The following ZBTB20 variants were observed in gnomAD, a reference collection of about 807,000 sequenced individuals.
ZBTB20 encodes the protein zinc finger and BTB domain-containing protein 20.
Under a neutral mutation model 56.9 loss-of-function variants are expected in ZBTB20, and 9 were observed. That is an observed-to-expected ratio of 0.16 (90% CI 0.10 to 0.28). ZBTB20 has a LOEUF of 0.28. ZBTB20 is among the 10% of genes least tolerant of loss of function. The pLI is 1.00. For synonymous variants in ZBTB20, 417 were observed against 420.7 expected (o/e 0.99, Z 0.11); for missense variants, 655 against 1,003.0 (o/e 0.65, Z 4.69).
intron 5 of ZBTB20, among the ~76,000 whole-genome samples, chr3:114,727,028 A>G (rs2065357963): frequency 6.6e-6 from 1 of 151,940 alleles, no homozygotes; most frequent in Admixed American, 6.6e-5. Context: ...ATATAATGGA[A>G]TAGCCCTCTT....
intron 5 of ZBTB20, among the ~76,000 whole-genome samples, chr3:114,764,075 T>C (rs2108710463): frequency 6.6e-6 from 1 of 152,248 alleles, no homozygotes; most frequent in Non-Finnish European, 1.5e-5. Context: ...TCAGAAAAAG[T>C]GATTTTTAGC....
chr3:115,117,954 G>A (rs553613130), intron 1 of ZBTB20, among the ~76,000 whole-genome samples: 46 of 152,158 alleles, frequency 3.0e-4, no homozygotes, highest in African/African-American at 1.1e-3. Context: ...GAAAGAACGT[G>A]GCTTTTAAAG....
intron 7 of ZBTB20, among the ~76,000 whole-genome samples, chr3:114,465,004 A>G (rs374995020): frequency 1.1e-4 from 17 of 151,388 alleles, no homozygotes; most frequent in East Asian, 7.7e-4. Flanking sequence ...CAACCCCCAC[A>G]CACTCCCTTC....
At chr3:114,748,283 T>TTTCC (rs1256479465) in intron 5 of ZBTB20, among the ~76,000 whole-genome samples, 20 of 55,100 alleles carry the variant, frequency 3.6e-4, no homozygotes, top group Non-Finnish European at 7.2e-4. Context: ...TTGTAGCTTC[T>TTTCC]TTCTTTCTTT....
intron 5 of ZBTB20, among the ~76,000 whole-genome samples, chr3:114,715,471 AAG>A (rs2064407178): frequency 6.6e-6 from 1 of 152,210 alleles, no homozygotes; most frequent in African/African-American, 2.4e-5. Context: ...TCTTGCAGCA[AAG>A]AGAGTGTGGG....
chr3:114,915,405 G>C (rs1380410247), intron 3 of ZBTB20, among the ~76,000 whole-genome samples: 1 of 151,784 alleles, frequency 6.6e-6, no homozygotes, highest in Non-Finnish European at 1.5e-5. Context: ...AATTTCTGTA[G>C]TATCAATTGT....
chr3:114,598,887 T>G (rs2056539460), intron 6 of ZBTB20, among the ~76,000 whole-genome samples: 1 of 152,068 alleles, frequency 6.6e-6, no homozygotes, highest in Non-Finnish European at 1.5e-5. Flanking sequence ...CACTGTCGAA[T>G]TTTTGCTGCG....
intron 5 of ZBTB20, among the ~76,000 whole-genome samples, chr3:114,749,568 A>AAATGAAGGAAGGAAGG (rs2067391851): frequency 7.4e-6 from 1 of 135,876 alleles, no homozygotes; most frequent in African/African-American, 2.9e-5. Context: ...GAAAGAAAGA[A>AAATGAAGGAAGGAAGG]AAGGAAGGAA....
chr3:114,659,736 A>C (rs2060615061), intron 6 of ZBTB20, among the ~76,000 whole-genome samples: 1 of 152,198 alleles, frequency 6.6e-6, no homozygotes, highest in Non-Finnish European at 1.5e-5. Context: ...ACAGTCTTTC[A>C]GTGATTTAAA....
At chr3:114,540,145 T>C (rs1345205014) in intron 6 of ZBTB20, among the ~76,000 whole-genome samples, 1 of 152,078 alleles carries the variant, frequency 6.6e-6, no homozygotes, top group Non-Finnish European at 1.5e-5. Flanking sequence ...CTCCCACTTA[T>C]AAGTGAGAAC....
chr3:114,441,994 G>A (rs2090963036), intron 7 of ZBTB20, among the ~76,000 whole-genome samples: 1 of 152,132 alleles, frequency 6.6e-6, no homozygotes, highest in African/African-American at 2.4e-5. Flanking sequence ...TATAAGTAAA[G>A]TGAAAAGCTC....
At chr3:114,962,078 G>A (rs922056890) in intron 3 of ZBTB20, among the ~76,000 whole-genome samples, 4 of 151,992 alleles carry the variant, frequency 2.6e-5, no homozygotes, top group African/African-American at 9.7e-5. Context: ...GGAAAAATTA[G>A]GGGTTTTATT....
chr3:115,079,492 G>A (rs532564891), intron 1 of ZBTB20, among the ~76,000 whole-genome samples: 4 of 152,156 alleles, frequency 2.6e-5, no homozygotes, highest in Non-Finnish European at 5.9e-5. Flanking sequence ...GGGTTCAAGC[G>A]ATTCTCCTGC....
chr3:114,496,104 A>G (rs745933646), intron 7 of ZBTB20, among the ~76,000 whole-genome samples: 2 of 152,210 alleles, frequency 1.3e-5, no homozygotes, highest in Non-Finnish European at 2.9e-5. Context: ...TGTGACTGGA[A>G]AAATCCCTTG....
At chr3:114,647,339 A>T (rs1174691184) in intron 6 of ZBTB20, among the ~76,000 whole-genome samples, 1 of 152,212 alleles carries the variant, frequency 6.6e-6, no homozygotes, top group Non-Finnish European at 1.5e-5. Context: ...CATAGAGAGG[A>T]AATTAGAGAG....
chr3:114,350,465 T>G lies in ZBTB20; in HGVS notation c.1613A>C (p.Gln538Pro). 5.6e-6 allele frequency: 9 copies of G among 1,614,046 alleles called. No homozygotes were observed. Among genetic ancestry groups the G allele is most frequent in the Non-Finnish European group, 6.8e-6 (8 of 1,180,000 alleles). Residue 538 changes from glutamine (Q) to proline (P), a missense_variant, in exon 11 of 12, where the codon CAG (glutamine) becomes CCG (proline). Gln to Pro is a moderately conservative substitution (Grantham distance 76, BLOSUM62 -1). Coordinates refer to ENST00000675478, the MANE Select transcript of ZBTB20 (RefSeq NM_001348800.3). ...ACCGGGCTGGGACACTGTCACAAAC[T>G]GGGTCTGCTGGCCTGCCAGGGGCTG... The part of the protein sequence containing the change: ...LPQPLAGQQT[Q>P]FVTVSQPGLS...
intron 5 of ZBTB20, among the ~76,000 whole-genome samples, chr3:114,770,307 G>A (rs549698342): frequency 2.0e-4 from 30 of 152,008 alleles, no homozygotes; most frequent in African/African-American, 6.8e-4. Context: ...GGGTTTGGTG[G>A]TGGGTGCCTG....
At chr3:114,771,017 G>A (rs1466819006) in intron 5 of ZBTB20, among the ~76,000 whole-genome samples, 3 of 152,128 alleles carry the variant, frequency 2.0e-5, no homozygotes, top group Non-Finnish European at 4.4e-5. Flanking sequence ...ACATGCACTT[G>A]TTAAGGACTT....
intron 6 of ZBTB20, among the ~76,000 whole-genome samples, chr3:114,539,462 T>C (rs1272148442): frequency 6.6e-6 from 1 of 152,146 alleles, no homozygotes; most frequent in Admixed American, 6.6e-5. Flanking sequence ...TTTGCTTCTC[T>C]ACCTTAGGAC....
Sources: gnomAD v4.1 joint callset for allele counts (sites outside exome capture counted in the v4.1 genomes callset) on GRCh38, gnomAD v4.1.1 for gene constraint, MANE v1.5 for transcripts, NCBI Gene and HGNC (gene_info 2026-07-23, HGNC 2026-07-21) for gene names.